The following CTNNA3 variants were observed in gnomAD, a reference collection of about 807,000 sequenced individuals.
CTNNA3 encodes catenin alpha-3.
In CTNNA3, 76 loss-of-function variants were observed where a neutral mutation model predicts 95.7. That is an observed-to-expected ratio of 0.79 (90% CI 0.66 to 0.96). The LOEUF (loss-of-function observed/expected upper bound fraction) is 0.96. Ranked by LOEUF, CTNNA3 falls within the 40% of genes least tolerant of loss-of-function variation. The probability of loss-of-function intolerance (pLI) is 0.00; values close to 1 mark genes in which losing one functional copy is unlikely to be tolerated. For synonymous variants in CTNNA3, 431 were observed against 374.4 expected (o/e 1.15, Z -1.74); for missense variants, 1,191 against 1,089.8 (o/e 1.09, Z -1.31).
chr10:66,210,609 T>G (rs1015554415), intron 13 of CTNNA3, among the ~76,000 whole-genome samples: 3 of 152,158 alleles, frequency 2.0e-5, no homozygotes, highest in African/African-American at 7.2e-5. Flanking sequence ...AGGTACACTC[T>G]TACTTTTACA....
At chr10:67,169,043 A>T (rs1350508827) in intron 7 of CTNNA3, among the ~76,000 whole-genome samples, 2 of 152,194 alleles carry the variant, frequency 1.3e-5, no homozygotes, top group African/African-American at 4.8e-5. Flanking sequence ...CACAATTGCC[A>T]CAAAAAGACT....
intron 7 of CTNNA3, among the ~76,000 whole-genome samples, chr10:66,978,828 T>C (rs897555257): frequency 9.9e-5 from 15 of 151,330 alleles, no homozygotes; most frequent in Admixed American, 7.9e-4. Flanking sequence ...CCTAAATTAT[T>C]GCTTAGCCTG....
intron 7 of CTNNA3, among the ~76,000 whole-genome samples, chr10:66,867,168 G>A (rs1589355494): frequency 6.6e-6 from 1 of 151,820 alleles, no homozygotes; most frequent in African/African-American, 2.4e-5. Flanking sequence ...TTCATCAGCA[G>A]TGTGAAAACA....
intron 15 of CTNNA3, among the ~76,000 whole-genome samples, chr10:66,026,734 G>A (rs2079347286): frequency 6.6e-6 from 1 of 152,064 alleles, no homozygotes; most frequent in South Asian, 2.1e-4. Flanking sequence ...GTGTATTTGA[G>A]TCATCTTATT....
At chr10:67,231,792 G>A (rs1041048250) in intron 5 of CTNNA3, among the ~76,000 whole-genome samples, 9 of 152,132 alleles carry the variant, frequency 5.9e-5, no homozygotes, top group Non-Finnish European at 1.2e-4. Context: ...ATAACCACAA[G>A]AACCAATACA....
intron 7 of CTNNA3, among the ~76,000 whole-genome samples, chr10:67,080,418 G>A (rs1371724724): frequency 6.6e-6 from 1 of 152,118 alleles, no homozygotes; most frequent in African/African-American, 2.4e-5. Flanking sequence ...TGATGTTAAT[G>A]AAAAAACTGA....
At chr10:65,967,531 G>T (rs1314816200) in intron 16 of CTNNA3, among the ~76,000 whole-genome samples, 2 of 152,090 alleles carry the variant, frequency 1.3e-5, no homozygotes, top group African/African-American at 4.8e-5. Context: ...ACTACTTTCA[G>T]CATTCAATGT....
intron 10 of CTNNA3, among the ~76,000 whole-genome samples, chr10:66,544,427 A>G (rs1841974108): frequency 6.6e-6 from 1 of 152,144 alleles, no homozygotes; most frequent in South Asian, 2.1e-4. Context: ...TACAGATGTC[A>G]CTTTGGTTCA....
intron 7 of CTNNA3, among the ~76,000 whole-genome samples, chr10:67,150,760 A>C (rs1007083395): frequency 6.6e-6 from 1 of 152,200 alleles, no homozygotes; most frequent in Non-Finnish European, 1.5e-5. Flanking sequence ...GACAGATTCC[A>C]TTATCTGTAT....
At chr10:67,073,558 G>C (rs1311717998) in intron 7 of CTNNA3, among the ~76,000 whole-genome samples, 2 of 151,288 alleles carry the variant, frequency 1.3e-5, no homozygotes, top group Non-Finnish European at 2.9e-5. Flanking sequence ...CTATGATTAA[G>C]CCCAATAAAG....
chr10:66,065,934 G>T (rs1026333364), intron 15 of CTNNA3, among the ~76,000 whole-genome samples: 1 of 151,936 alleles, frequency 6.6e-6, no homozygotes, highest in African/African-American at 2.4e-5. Context: ...TGCAATCTCG[G>T]CTCACCACAA....
At chr10:66,080,193 G>A (rs1240004049) in intron 14 of CTNNA3, among the ~76,000 whole-genome samples, 1 of 151,970 alleles carries the variant, frequency 6.6e-6, no homozygotes, top group Non-Finnish European at 1.5e-5. Context: ...ATTCCCATAG[G>A]CCACTTTTCT....
At chr10:66,078,606 C>T (rs944398851) in intron 14 of CTNNA3, among the ~76,000 whole-genome samples, 10 of 151,784 alleles carry the variant, frequency 6.6e-5, no homozygotes, top group African/African-American at 1.9e-4. Flanking sequence ...AACTGAAATG[C>T]CCATTACAAA....
At chr10:66,422,412 G>A (rs1467627502) in intron 11 of CTNNA3, among the ~76,000 whole-genome samples, 2 of 151,946 alleles carry the variant, frequency 1.3e-5, no homozygotes, top group Non-Finnish European at 1.5e-5. Flanking sequence ...TCACAATAAA[G>A]GAGCATGTAT....
chr10:66,516,341 T>G (rs1187898227), intron 11 of CTNNA3, among the ~76,000 whole-genome samples: 3 of 152,188 alleles, frequency 2.0e-5, no homozygotes, highest in Non-Finnish European at 4.4e-5. Context: ...CCACTCAGTA[T>G]TTTAGGCAAA....
At chr10:66,653,253 A>G (rs1179899400) in intron 9 of CTNNA3, among the ~76,000 whole-genome samples, 1 of 152,120 alleles carries the variant, frequency 6.6e-6, no homozygotes, top group Non-Finnish European at 1.5e-5. Flanking sequence ...AAACTGATAC[A>G]TTCAGAAAGT....
intron 9 of CTNNA3, among the ~76,000 whole-genome samples, chr10:66,747,123 G>A (rs138980326): frequency 1.3e-5 from 2 of 152,268 alleles, no homozygotes; most frequent in East Asian, 3.9e-4. Context: ...GACAGAGCCA[G>A]GAATAGAACC....
intron 5 of CTNNA3, among the ~76,000 whole-genome samples, chr10:67,345,798 G>A (rs1212857706): frequency 1.3e-5 from 2 of 151,882 alleles, no homozygotes; most frequent in African/African-American, 2.4e-5. Flanking sequence ...AATGTCTTTC[G>A]ATTGGAGAGT....
intron 7 of CTNNA3, among the ~76,000 whole-genome samples, chr10:66,785,887 C>T (rs992242429): frequency 2.0e-5 from 3 of 152,108 alleles, no homozygotes; most frequent in African/African-American, 7.2e-5. Context: ...CTCTCTTCCC[C>T]CAACCCCCAG....
Sources: allele counts gnomAD v4.1 joint callset (sites outside exome capture counted in the v4.1 genomes callset), GRCh38; gene constraint gnomAD v4.1.1; transcripts MANE v1.5; gene names NCBI Gene and HGNC (gene_info 2026-07-23, HGNC 2026-07-21).